KSR2: variants seen among roughly 807,000 people sequenced by gnomAD.
The protein encoded by KSR2 is kinase suppressor of ras 2.
KSR2 carries 25 observed loss-of-function variants against 107.8 expected under a neutral mutation model. The observed-to-expected ratio is 0.23, with a 90% confidence interval of 0.17 to 0.32. The LOEUF (loss-of-function observed/expected upper bound fraction) is 0.32, where lower values mean the gene tolerates loss of function less well. Among genes scored for constraint, KSR2 ranks in the 10% least tolerant of loss-of-function variants. KSR2 has a pLI of 1.00. For missense variants in KSR2, 887 were observed against 1,268.9 expected (o/e 0.70, Z 4.57); for synonymous variants, 480 against 507.0 (o/e 0.95, Z 0.71).
At chr12:117,933,106 G>A (rs1213604862) in intron 1 of KSR2, among the ~76,000 whole-genome samples, 1 of 152,176 alleles carries the variant, frequency 6.6e-6, no homozygotes, top group East Asian at 1.9e-4. Flanking sequence ...CCCAATGTTA[G>A]CATGAAGTGG....
intron 16 of KSR2, among the ~76,000 whole-genome samples, chr12:117,477,489 G>A (rs1429101926): frequency 6.6e-6 from 1 of 152,156 alleles, no homozygotes; most frequent in Non-Finnish European, 1.5e-5. Flanking sequence ...AGGGAAAGAA[G>A]ACAACAAATG....
chr12:117,722,623 G>A (rs890767085), intron 4 of KSR2, among the ~76,000 whole-genome samples: 2 of 152,158 alleles, frequency 1.3e-5, no homozygotes, highest in African/African-American at 4.8e-5. Flanking sequence ...AAAAGAAGAG[G>A]CATGAATAAT....
At chr12:117,964,667 GCTAGA>G (rs1896742367) in intron 1 of KSR2, among the ~76,000 whole-genome samples, 1 of 152,162 alleles carries the variant, frequency 6.6e-6, no homozygotes, top group South Asian at 2.1e-4. Flanking sequence ...TCCAGATAGT[GCTAGA>G]CCCTTGAAAA....
At chr12:117,668,208 C>T (rs1884747512) in intron 4 of KSR2, among the ~76,000 whole-genome samples, 2 of 152,232 alleles carry the variant, frequency 1.3e-5, no homozygotes, top group Admixed American at 1.3e-4. Context: ...TTCAAGAGAT[C>T]TAAGTAGACT....
intron 1 of KSR2, among the ~76,000 whole-genome samples, chr12:117,921,932 C>T (rs1895360276): frequency 2.0e-5 from 3 of 152,156 alleles, no homozygotes; most frequent in Non-Finnish European, 4.4e-5. Flanking sequence ...AAATGCAAAT[C>T]CCTGAAGAGT....
At chr12:117,475,536 T>G (rs1419945391) in intron 17 of KSR2, among the ~76,000 whole-genome samples, 2 of 152,196 alleles carry the variant, frequency 1.3e-5, no homozygotes, top group Non-Finnish European at 2.9e-5. Flanking sequence ...AAGCCCTCCC[T>G]GATCTCCCAG....
chr12:117,545,972 A>G (rs1159070602), intron 9 of KSR2, among the ~76,000 whole-genome samples: 1 of 152,184 alleles, frequency 6.6e-6, no homozygotes, highest in Non-Finnish European at 1.5e-5. Context: ...ACCACATCAG[A>G]AAGTGTTACA....
chr12:117,731,724 T>G (rs1455079422), intron 4 of KSR2, among the ~76,000 whole-genome samples: 1 of 152,086 alleles, frequency 6.6e-6, no homozygotes, highest in Non-Finnish European at 1.5e-5. Context: ...CCTGTTGATC[T>G]GTGACCTTAC....
intron 1 of KSR2, 79 bp downstream of exon 1, chr12:117,967,997 C>T (rs957334920): frequency 1.6e-6 from 2 of 1,276,136 alleles, no homozygotes; most frequent in East Asian, 2.4e-5. Flanking sequence ...GAAAGGGGAC[C>T]GTGGGGAGAA....
intron 7 of KSR2, among the ~76,000 whole-genome samples, chr12:117,574,489 C>T (rs193207058): frequency 6.6e-5 from 10 of 152,214 alleles, no homozygotes; most frequent in East Asian, 1.9e-4. Flanking sequence ...CCAAAGGCCG[C>T]GACAAGAGAG....
chr12:117,611,841 T>A (rs973363742), intron 5 of KSR2, among the ~76,000 whole-genome samples: 13 of 152,220 alleles, frequency 8.5e-5, no homozygotes, highest in African/African-American at 3.1e-4. Context: ...GAGTTCATTA[T>A]GCTAAACGAA....
chr12:117,539,173 A>C (rs1391957193), intron 10 of KSR2, among the ~76,000 whole-genome samples: 2 of 152,214 alleles, frequency 1.3e-5, no homozygotes, highest in Non-Finnish European at 2.9e-5. Flanking sequence ...GAGGTGAGAC[A>C]CAGCAAGAAT....
At chr12:117,919,713 A>T (rs1176555594) in intron 1 of KSR2, among the ~76,000 whole-genome samples, 2 of 152,248 alleles carry the variant, frequency 1.3e-5, no homozygotes, top group Non-Finnish European at 2.9e-5. Context: ...GACACATGCC[A>T]CATCCAAGAG....
intron 4 of KSR2, among the ~76,000 whole-genome samples, chr12:117,697,862 G>T (rs1565966943): frequency 6.6e-6 from 1 of 152,066 alleles, no homozygotes; most frequent in East Asian, 1.9e-4. Flanking sequence ...ATGGAAATAG[G>T]GTCATTGCAG....
chr12:117,941,205 C>G (rs1895994428), intron 1 of KSR2, among the ~76,000 whole-genome samples: 1 of 152,030 alleles, frequency 6.6e-6, no homozygotes, highest in Non-Finnish European at 1.5e-5. Flanking sequence ...TAAATGGATG[C>G]TGCCCAGGTC....
At chr12:117,908,448 A>G (rs1308699495) in intron 1 of KSR2, among the ~76,000 whole-genome samples, 2 of 152,240 alleles carry the variant, frequency 1.3e-5, no homozygotes, top group African/African-American at 4.8e-5. Flanking sequence ...AACCAGCCAC[A>G]GGAATAGCAC....
chr12:117,879,527 C>T (rs1441073154), intron 1 of KSR2, among the ~76,000 whole-genome samples: 1 of 152,098 alleles, frequency 6.6e-6, no homozygotes. Context: ...TCTGCCTGGG[C>T]AACGTGGCAA....
intron 10 of KSR2, among the ~76,000 whole-genome samples, chr12:117,531,936 C>G (rs139792444): frequency 5.3e-5 from 8 of 152,258 alleles, no homozygotes; most frequent in South Asian, 2.1e-4. Flanking sequence ...TCCCTAAAAT[C>G]AGACTGCTCC....
At chr12:117,529,257 CCCAGG>C (rs1165482793) in intron 12 of KSR2, among the ~76,000 whole-genome samples, 5 of 152,210 alleles carry the variant, frequency 3.3e-5, no homozygotes, top group African/African-American at 4.8e-5. Context: ...CCCTCTGTTG[CCCAGG>C]CTGGGGTGCA....
Sources: allele counts gnomAD v4.1 joint callset (sites outside exome capture counted in the v4.1 genomes callset), GRCh38; gene constraint gnomAD v4.1.1; transcripts MANE v1.5; gene names NCBI Gene and HGNC (gene_info 2026-07-23, HGNC 2026-07-21).